SLC38A12: variants seen among roughly 807,000 people sequenced by gnomAD.
The protein encoded by SLC38A12 is solute carrier family 38 member 12, also known as putative sodium-coupled neutral amino acid transporter 12.
chr17:74,795,740 C>G, the SLC38A12 span: 2 of 837,880 alleles, frequency 2.4e-6, no homozygotes, highest in Non-Finnish European at 3.8e-6. Flanking sequence ...AGAGGAGGAT[C>G]TACTCTTCTC....
the SLC38A12 span, among the ~76,000 whole-genome samples, chr17:74,830,058 A>G: frequency 1.3e-5 from 2 of 152,200 alleles, no homozygotes; most frequent in East Asian, 3.9e-4. Context: ...GTCCCTGCCC[A>G]CAGAGACCGA....
At chr17:74,817,928 C>G in the SLC38A12 span, among the ~76,000 whole-genome samples, 1 of 152,142 alleles carries the variant, frequency 6.6e-6, no homozygotes, top group African/African-American at 2.4e-5. Flanking sequence ...CCCAAACACC[C>G]GGGCACACCA....
At chr17:74,794,953 A>G in the SLC38A12 span, 3 of 1,450,630 alleles carry the variant, frequency 2.1e-6, no homozygotes, top group Non-Finnish European at 2.9e-6. Context: ...AGAAGAAAAA[A>G]AAAAAAACAT....
the SLC38A12 span, among the ~76,000 whole-genome samples, chr17:74,805,000 G>A: frequency 3.9e-5 from 6 of 152,370 alleles, no homozygotes; most frequent in South Asian, 1.0e-3. Flanking sequence ...TAATAAAAAT[G>A]TAGATGCTTG....
chr17:74,807,464 C>T, the SLC38A12 span, among the ~76,000 whole-genome samples: 1 of 152,252 alleles, frequency 6.6e-6, no homozygotes, highest in Admixed American at 6.5e-5. Flanking sequence ...CACAACCCTC[C>T]CCTGGGCCTT....
the SLC38A12 span, among the ~76,000 whole-genome samples, chr17:74,814,440 T>C: frequency 3.9e-5 from 6 of 152,208 alleles, no homozygotes; most frequent in African/African-American, 1.4e-4. Flanking sequence ...CACTCTCTTC[T>C]TCATGGAGGG....
chr17:74,795,072 A>G, the SLC38A12 span: 131 of 1,614,094 alleles, frequency 8.1e-5, 5 homozygotes, highest in African/African-American at 1.4e-3. Context: ...CTCGCCATCT[A>G]TGCTGCTGCC....
the SLC38A12 span, among the ~76,000 whole-genome samples, chr17:74,796,631 CCT>C: frequency 3.3e-5 from 5 of 152,252 alleles, no homozygotes; most frequent in Admixed American, 3.3e-4. Context: ...GGTTGGTTTT[CCT>C]CTCTGCCTCT....
the SLC38A12 span, among the ~76,000 whole-genome samples, chr17:74,823,332 T>A: frequency 6.6e-6 from 1 of 152,228 alleles, no homozygotes; most frequent in Non-Finnish European, 1.5e-5. Flanking sequence ...AGGAATTAGT[T>A]CTGCCATCTG....
At chr17:74,810,804 C>T in the SLC38A12 span, among the ~76,000 whole-genome samples, 3 of 152,366 alleles carry the variant, frequency 2.0e-5, 1 homozygote, top group South Asian at 6.2e-4. Context: ...CTCTAGATGG[C>T]ATGGTGCCTC....
the SLC38A12 span, among the ~76,000 whole-genome samples, chr17:74,807,450 G>A: frequency 2.0e-5 from 3 of 152,194 alleles, no homozygotes; most frequent in African/African-American, 4.8e-5. Flanking sequence ...GCGGGGCTTT[G>A]GCACACAACC....
At chr17:74,792,039 G>A in the SLC38A12 span, among the ~76,000 whole-genome samples, 20 of 152,162 alleles carry the variant, frequency 1.3e-4, no homozygotes, top group Admixed American at 5.9e-4. Context: ...CCAGCTACTC[G>A]GGAGGCTGAG....
At chr17:74,784,337 T>G in the SLC38A12 span, among the ~76,000 whole-genome samples, 1 of 152,064 alleles carries the variant, frequency 6.6e-6, no homozygotes, top group Admixed American at 6.6e-5. Context: ...CTCATTTGAA[T>G]TGTAAATAAG....
At chr17:74,818,284 C>A in the SLC38A12 span, among the ~76,000 whole-genome samples, 1 of 152,212 alleles carries the variant, frequency 6.6e-6, no homozygotes, top group Admixed American at 6.5e-5. Context: ...AGAAAGACTT[C>A]TTTCCCCTCT....
the SLC38A12 span, among the ~76,000 whole-genome samples, chr17:74,810,210 AT>A: frequency 2.0e-5 from 3 of 152,210 alleles, no homozygotes; most frequent in Non-Finnish European, 2.9e-5. Flanking sequence ...ACTGAAGATA[AT>A]GGTGACCTAG....
chr17:74,812,278 C>T, the SLC38A12 span, among the ~76,000 whole-genome samples: 5 of 152,088 alleles, frequency 3.3e-5, no homozygotes, highest in East Asian at 9.6e-4. Flanking sequence ...GATGCAAATC[C>T]TGCCCTAGCC....
chr17:74,804,970 CAAGAGTGCCTTCGGGCTCTT>C, the SLC38A12 span, among the ~76,000 whole-genome samples: 1 of 152,228 alleles, frequency 6.6e-6, no homozygotes, highest in African/African-American at 2.4e-5. Context: ...ACCACTGGCA[CAAGAGTGCCTTCGGGCTCTT>C]AATAAAAATG....
the SLC38A12 span, among the ~76,000 whole-genome samples, chr17:74,789,781 G>T: frequency 3.8e-4 from 56 of 146,964 alleles, no homozygotes; most frequent in African/African-American, 1.4e-3. Flanking sequence ...GGAGGCAGAG[G>T]TTGCAGTGAG....
chr17:74,788,926 A>G, the SLC38A12 span: 23 of 1,525,170 alleles, frequency 1.5e-5, no homozygotes, highest in Non-Finnish European at 2.1e-5. Flanking sequence ...GGTACCCAGC[A>G]GGCGGTCTCA....
Sources: gnomAD v4.1 joint callset for allele counts (sites outside exome capture counted in the v4.1 genomes callset) on GRCh38, gnomAD v4.1.1 for gene constraint, MANE v1.5 for transcripts, NCBI Gene and HGNC (gene_info 2026-07-23, HGNC 2026-07-21) for gene names.